The following KCNN2 variants were observed in gnomAD, a reference collection of about 807,000 sequenced individuals.
KCNN2 encodes small conductance calcium-activated potassium channel protein 2.
In KCNN2, 24 loss-of-function variants were observed where a neutral mutation model predicts 55.5. The ratio of observed to expected loss-of-function variants is 0.43; its 90% CI spans 0.31 to 0.61. The LOEUF is 0.61. Among genes scored for constraint, KCNN2 ranks in the 20% least tolerant of loss-of-function variants. The pLI is 0.08. For missense variants in KCNN2, 754 were observed against 853.6 expected (o/e 0.88, Z 1.45); for synonymous variants, 431 against 336.1 (o/e 1.28, Z -3.09).
chr5:114,241,487 G>T (rs1754619189), intron 2 of KCNN2, among the ~76,000 whole-genome samples: 1 of 151,294 alleles, frequency 6.6e-6, no homozygotes, highest in Non-Finnish European at 1.5e-5. Flanking sequence ...ATACCAAAAT[G>T]GAGTCAGGTA....
chr5:114,344,430 C>A (rs1757072336), intron 2 of KCNN2, among the ~76,000 whole-genome samples: 1 of 152,124 alleles, frequency 6.6e-6, no homozygotes, highest in Non-Finnish European at 1.5e-5. Flanking sequence ...GGATGTGTTA[C>A]CCTTTAAAGC....
chr5:114,184,367 G>A (rs962402275), intron 1 of KCNN2, among the ~76,000 whole-genome samples: 9 of 152,008 alleles, frequency 5.9e-5, no homozygotes, highest in African/African-American at 2.2e-4. Context: ...TGGCAGTGTT[G>A]GGGAAATAAA....
chr5:114,102,462 T>G (rs1281011182), intron 1 of KCNN2, among the ~76,000 whole-genome samples: 2 of 152,226 alleles, frequency 1.3e-5, no homozygotes, highest in South Asian at 2.1e-4. Flanking sequence ...TTGTCAATTT[T>G]GGCTTTTGTT....
chr5:114,056,559 C>T (rs375177566), intron 1 of KCNN2: 2 of 396,660 alleles, frequency 5.0e-6, no homozygotes, highest in Non-Finnish European at 8.9e-6. Context: ...GGACCAGCCT[C>T]CCCTAGGGAG....
intron 2 of KCNN2, among the ~76,000 whole-genome samples, chr5:114,397,187 C>T (rs1436667651): frequency 2.0e-5 from 3 of 152,062 alleles, no homozygotes; most frequent in Non-Finnish European, 2.9e-5. Context: ...TGAACATACG[C>T]GTACGTGTAT....
Position 114,362,919 on chromosome 5 carries a change from C to A in KCNN2, c.780C>A (p.Ser260=), listed in dbSNP as rs1174375762. ...TCGGAGGAGGTGGCGGCGCGTCCTC[C>A]CCGTCTGCAGCCGCTGCCGCCGCCG... ...ASVGGGGGAS[S]PSAAAAAAAA... The change falls in exon 1 of 8, where the codon TCC becomes TCA. Residue 260 remains serine (S), a synonymous_variant. Coordinates refer to ENST00000673685, the MANE Select transcript of KCNN2 (RefSeq NM_021614.4). 2 of 1,580,606 alleles carry A rather than the reference C, an allele frequency of 1.3e-6. No homozygotes were observed. The highest frequency in any genetic ancestry group is 1.7e-6 in the Non-Finnish European group (2 of 1,173,012).
At chr5:114,190,224 C>T (rs1425752707) in intron 1 of KCNN2, among the ~76,000 whole-genome samples, 1 of 152,072 alleles carries the variant, frequency 6.6e-6, no homozygotes, top group Non-Finnish European at 1.5e-5. Flanking sequence ...GTTACCCAGC[C>T]ATTCTGCTTC....
chr5:114,397,678 A>G (rs542302507), intron 2 of KCNN2, among the ~76,000 whole-genome samples: 2 of 152,242 alleles, frequency 1.3e-5, no homozygotes, highest in Admixed American at 6.5e-5. Context: ...GTGAGCTACC[A>G]TGCCTGGCCA....
Position 114,362,774 on chromosome 5 carries a change from C to A in KCNN2, c.635C>A (p.Ala212Asp). ...GAGAGCAACCCCTTCACCGAAATAGCCATGAGCAGCTGCAGGTACAACGGG... is the reference window on the plus strand; with the variant it reads ...GAGAGCAACCCCTTCACCGAAATAGACATGAGCAGCTGCAGGTACAACGGG... The part of the protein sequence containing the change: ...RRESNPFTEI[A>D]MSSCRYNGGV... Residue 212 changes from alanine (A) to aspartate (D), a missense_variant, in exon 1 of 8, where the codon GCC (alanine) becomes GAC (aspartate). Physicochemically the swap from Ala to Asp is moderately radical, Grantham distance 126. Around this residue, in one of 4 missense-constraint regions of KCNN2, gnomAD observed 381 missense variants for 259.1 expected, o/e 1.47. Coordinates refer to ENST00000673685, the MANE Select transcript of KCNN2 (RefSeq NM_021614.4). The A allele has an allele frequency of 6.3e-7, 1 of 1,584,274 alleles. No homozygotes were observed.
Position 114,241,716 on chromosome 5 carries a change from A to ATG in KCNN2, c.-185+20152_-185+20153insGT. The stretch of plus-strand genomic sequence containing the variant: ...AGAATATATATGTGGATATATATAT[A>ATG]TATACGTATATATATACATATATAC... On this transcript the variant is annotated intron_variant, in intron 2 of 10. Transcript: ENST00000512097. Among the ~76,000 whole-genome samples, 2 of 117,286 alleles carry ATG rather than the reference A, an allele frequency of 1.7e-5. 1 individual carries two copies. Among genetic ancestry groups the ATG allele is most frequent in the Non-Finnish European group, 3.5e-5 (2 of 56,496 alleles). The allele number at this position is 117,286 out of a possible 152,430, so 76.9% of individuals were successfully genotyped here.
intron 2 of KCNN2, among the ~76,000 whole-genome samples, chr5:114,228,597 G>T (rs1322877657): frequency 6.6e-6 from 1 of 152,038 alleles, no homozygotes; most frequent in Non-Finnish European, 1.5e-5. Flanking sequence ...CTAAAATTGT[G>T]CCTGAAATTG....
chr5:114,073,897 TA>T (rs1237651421), intron 1 of KCNN2, among the ~76,000 whole-genome samples: 1 of 152,206 alleles, frequency 6.6e-6, no homozygotes, highest in East Asian at 1.9e-4. Flanking sequence ...AGTAAACAAC[TA>T]AAAAATAGAC....
intron 1 of KCNN2, among the ~76,000 whole-genome samples, chr5:114,188,666 G>A (rs1053996978): frequency 6.6e-6 from 1 of 152,030 alleles, no homozygotes; most frequent in Non-Finnish European, 1.5e-5. Flanking sequence ...GAATTCTTAT[G>A]CAATAACTAA....
At chr5:114,345,747 T>C (rs1561579349) in intron 2 of KCNN2, among the ~76,000 whole-genome samples, 1 of 152,146 alleles carries the variant, frequency 6.6e-6, no homozygotes, top group Non-Finnish European at 1.5e-5. Flanking sequence ...GGCAGTAGCA[T>C]CTGCTTGGCT....
At chr5:114,324,764 A>G (rs1756684521) in intron 2 of KCNN2, among the ~76,000 whole-genome samples, 1 of 152,202 alleles carries the variant, frequency 6.6e-6, no homozygotes, top group Admixed American at 6.5e-5. Context: ...GTGGCTCTAG[A>G]ATTGGGCAGT....
rs1288890930 is a variant in KCNN2 at position 114,421,544 on chromosome 5, T to C, written c.1637+16688T>C. Reference sequence around the variant, plus strand: ...GACCTCAGGTGATCTACCTGCCTAATTTATATTCCTACCAGAAGTGTATAA... The same window carrying C: ...GACCTCAGGTGATCTACCTGCCTAACTTATATTCCTACCAGAAGTGTATAA... On this transcript the variant is annotated intron_variant, in intron 3 of 7. Transcript: ENST00000673685. 2.0e-5 allele frequency among the ~76,000 whole-genome samples: 3 copies of C among 151,556 alleles called. No individual in the cohort carries two copies. The East Asian group carries it at 5.8e-4, about 30-fold the overall frequency.
At chr5:114,091,045 G>T (rs1420441687) in intron 1 of KCNN2, among the ~76,000 whole-genome samples, 3 of 152,044 alleles carry the variant, frequency 2.0e-5, no homozygotes, top group African/African-American at 7.2e-5. Flanking sequence ...TTGCCATGTT[G>T]CTCAGACTGA....
At chr5:114,256,106 T>C (rs1561542799) in intron 2 of KCNN2, among the ~76,000 whole-genome samples, 2 of 152,214 alleles carry the variant, frequency 1.3e-5, no homozygotes, top group African/African-American at 2.4e-5. Context: ...AGTATTTGGC[T>C]TTCTGTTTCT....
chr5:114,379,721 T>G (rs1177231216), intron 2 of KCNN2, among the ~76,000 whole-genome samples: 1 of 125,484 alleles, frequency 8.0e-6, no homozygotes, highest in East Asian at 2.1e-4. Flanking sequence ...TATAACATAT[T>G]ATATATTTAT....
Sources: allele counts gnomAD v4.1 joint callset (sites outside exome capture counted in the v4.1 genomes callset), GRCh38; gene constraint gnomAD v4.1.1; regional missense constraint gnomAD v4.1.1; transcripts MANE v1.5; gene names NCBI Gene and HGNC (gene_info 2026-07-23, HGNC 2026-07-21).